CCDC148: variants seen among roughly 807,000 people sequenced by gnomAD.
CCDC148 encodes coiled-coil domain containing 148.
In CCDC148, 89 loss-of-function variants were observed where a neutral mutation model predicts 85.7. The observed-to-expected ratio is 1.04, with a 90% CI of 0.87 to 1.24. CCDC148 has a LOEUF of 1.24. CCDC148 is among the 50% of genes most tolerant of loss of function. The pLI, the probability that CCDC148 is intolerant of heterozygous loss-of-function variation, is 0.00. For missense variants in CCDC148, 692 were observed against 671.7 expected (o/e 1.03, Z -0.33); for synonymous variants, 230 against 213.9 (o/e 1.08, Z -0.66).
chr2:158,233,138 T>C (rs1391566186), intron 10 of CCDC148, among the ~76,000 whole-genome samples: 1 of 152,156 alleles, frequency 6.6e-6, no homozygotes, highest in Non-Finnish European at 1.5e-5. Flanking sequence ...CAGAAATTTG[T>C]ACAATCACTA....
At chr2:158,400,122 G>A (rs1685710637) in intron 1 of CCDC148, among the ~76,000 whole-genome samples, 1 of 152,086 alleles carries the variant, frequency 6.6e-6, no homozygotes, top group South Asian at 2.1e-4. Context: ...TCGTGAAAAT[G>A]GCCATACCAC....
chr2:158,178,195 A>G (rs1481842485), intron 12 of CCDC148: 3 of 152,254 alleles, frequency 2.0e-5, no homozygotes, highest in African/African-American at 7.2e-5. Context: ...CCCTCCAGCA[A>G]CACAGGAGGG....
intron 11 of CCDC148, among the ~76,000 whole-genome samples, chr2:158,213,226 C>A (rs1490592015): frequency 6.6e-6 from 1 of 152,074 alleles, no homozygotes; most frequent in Non-Finnish European, 1.5e-5. Context: ...TTGGTTGTAC[C>A]CAACTTCAGT....
At chr2:158,359,833 C>T (rs576417925) in intron 1 of CCDC148, among the ~76,000 whole-genome samples, 1 of 152,144 alleles carries the variant, frequency 6.6e-6, no homozygotes, top group Non-Finnish European at 1.5e-5. Flanking sequence ...GAACCATTCA[C>T]TCCCCTGGAA....
At chr2:158,196,845 A>G (rs541239101) in intron 11 of CCDC148, among the ~76,000 whole-genome samples, 1 of 152,220 alleles carries the variant, frequency 6.6e-6, no homozygotes, top group African/African-American at 2.4e-5. Flanking sequence ...TCATATCTGT[A>G]TGTACTAGAT....
At chr2:158,261,474 C>G (rs985251135) in intron 9 of CCDC148, among the ~76,000 whole-genome samples, 1 of 151,934 alleles carries the variant, frequency 6.6e-6, no homozygotes, top group Non-Finnish European at 1.5e-5. Context: ...GATTTCATTA[C>G]AAAGATACCA....
chr2:158,177,125 C>A (rs1048032603), intron 12 of CCDC148, among the ~76,000 whole-genome samples: 1 of 151,932 alleles, frequency 6.6e-6, no homozygotes, highest in Non-Finnish European at 1.5e-5. Context: ...GCATATAATT[C>A]TTGGGTCAAG....
intron 1 of CCDC148, among the ~76,000 whole-genome samples, chr2:158,363,902 T>C (rs1392075590): frequency 6.6e-6 from 1 of 152,218 alleles, no homozygotes; most frequent in African/African-American, 2.4e-5. Flanking sequence ...CATGAATGTA[T>C]ATTTAGAAAA....
At chr2:158,279,375 T>G (rs188977129) in intron 9 of CCDC148, among the ~76,000 whole-genome samples, 65 of 152,226 alleles carry the variant, frequency 4.3e-4, no homozygotes, top group Non-Finnish European at 5.9e-4. Flanking sequence ...TTAAAAACTT[T>G]GAAAAAAATT....
At chr2:158,236,616 G>C (rs1281836855) in intron 10 of CCDC148, among the ~76,000 whole-genome samples, 1 of 152,090 alleles carries the variant, frequency 6.6e-6, no homozygotes, top group African/African-American at 2.4e-5. Context: ...GAACCAAGGT[G>C]ATTTTTGCAA....
intron 11 of CCDC148, among the ~76,000 whole-genome samples, chr2:158,199,933 T>C (rs544160265): frequency 1.3e-5 from 2 of 152,234 alleles, no homozygotes; most frequent in East Asian, 3.8e-4. Context: ...AATCAAATGT[T>C]CAGGTGAAAT....
chr2:158,391,493 A>G (rs926737988), intron 1 of CCDC148, among the ~76,000 whole-genome samples: 1 of 152,182 alleles, frequency 6.6e-6, no homozygotes, highest in Non-Finnish European at 1.5e-5. Context: ...CTATTAAAAT[A>G]TTAGAAAAAT....
In CCDC148 at chr2:158,401,458, C is replaced by T. The variant is rs570322849; in HGVS notation, c.26-42888G>A. ...AGCAAAATATCACGAAGACAGAAAA[C>T]CAAACACTGCATATTCTCACTCATA... is the stretch of plus-strand genomic sequence containing the variant. On this transcript the variant is annotated intron_variant, in intron 1 of 13. Transcript: ENST00000283233. Among the ~76,000 whole-genome samples, 9 of 152,172 alleles carry T rather than the reference C, an allele frequency of 5.9e-5. No individual in the cohort carries two copies. In the South Asian group the frequency reaches 1.9e-3, roughly 32 times the overall value.
intron 1 of CCDC148, among the ~76,000 whole-genome samples, chr2:158,433,052 A>C (rs1687428765): frequency 7.3e-6 from 1 of 137,344 alleles, no homozygotes; most frequent in Non-Finnish European, 1.6e-5. Context: ...AGCATGAAAA[A>C]CATGGCAAAA....
intron 1 of CCDC148, among the ~76,000 whole-genome samples, chr2:158,365,657 G>A (rs575964301): frequency 1.3e-5 from 2 of 152,100 alleles, no homozygotes; most frequent in African/African-American, 2.4e-5. Flanking sequence ...GGCCTGTCGG[G>A]GGGTGGAGGG....
intron 1 of CCDC148, among the ~76,000 whole-genome samples, chr2:158,448,084 T>A (rs921336487): frequency 6.6e-6 from 1 of 152,110 alleles, no homozygotes; most frequent in Admixed American, 6.5e-5. Flanking sequence ...AGTTCAGTAT[T>A]TTGCATATGA....
At chr2:158,283,926 C>G (rs1258607108) in intron 9 of CCDC148, among the ~76,000 whole-genome samples, 1 of 151,644 alleles carries the variant, frequency 6.6e-6, no homozygotes, top group Non-Finnish European at 1.5e-5. Context: ...CACATATACA[C>G]CATGGAATAC....
intron 1 of CCDC148, among the ~76,000 whole-genome samples, chr2:158,453,202 G>C (rs990783527): frequency 6.6e-6 from 1 of 152,216 alleles, no homozygotes; most frequent in African/African-American, 2.4e-5. Context: ...TCCCTTAGGG[G>C]AAAAGGCTCA....
intron 1 of CCDC148, among the ~76,000 whole-genome samples, chr2:158,397,986 G>A (rs1685604045): frequency 6.6e-6 from 1 of 152,124 alleles, no homozygotes; most frequent in Admixed American, 6.5e-5. Context: ...CCTGGTCTCT[G>A]ATAAAACAGA....
Sources: allele counts gnomAD v4.1 joint callset (sites outside exome capture counted in the v4.1 genomes callset), GRCh38; gene constraint gnomAD v4.1.1; transcripts MANE v1.5; gene names NCBI Gene and HGNC (gene_info 2026-07-23, HGNC 2026-07-21).